The following IRAK4 variants were observed in gnomAD, a reference collection of about 807,000 sequenced individuals.
IRAK4 encodes the protein interleukin 1 receptor associated kinase 4, also known as interleukin-1 receptor-associated kinase 4.
Under a neutral mutation model 51.8 loss-of-function variants are expected in IRAK4, and 44 were observed. That is an observed-to-expected ratio of 0.85 (90% CI 0.67 to 1.09). The LOEUF (loss-of-function observed/expected upper bound fraction) is 1.09, where lower values mean the gene tolerates loss of function less well. Ranked by LOEUF, IRAK4 falls within the 50% of genes least tolerant of loss-of-function variation. The probability of loss-of-function intolerance (pLI) is 0.00; values close to 1 mark genes in which losing one functional copy is unlikely to be tolerated. For missense variants in IRAK4, 487 were observed against 538.0 expected (o/e 0.91, Z 0.94); for synonymous variants, 149 against 174.1 (o/e 0.86, Z 1.13).
At chr12:43,784,098 T>C (rs1387164258) in intron 10 of IRAK4, among the ~76,000 whole-genome samples, 2 of 152,224 alleles carry the variant, frequency 1.3e-5, no homozygotes, top group African/African-American at 2.4e-5. Flanking sequence ...CCATTCAAAT[T>C]TCTTTCAGAA....
chr12:43,763,564 A>ATATG, intron 1 of IRAK4: 1 of 152,304 alleles, frequency 6.6e-6, no homozygotes, highest in Non-Finnish European at 1.5e-5. Flanking sequence ...TATGGTAAAT[A>ATATG]TTGGTAGATA....
chr12:43,771,242 A>G lies in IRAK4; in HGVS notation c.184A>G (p.Thr62Ala). Residue 62 changes from threonine to alanine, a missense_variant, in exon 3 of 12, where the codon ACT becomes GCT. By Grantham distance (58) the Thr-to-Ala change is moderately conservative. Coordinates refer to ENST00000613694, the MANE Select transcript of IRAK4 (RefSeq NM_016123.4). ...AAGGAGATTTGAAGCATTACTTCAA[A>G]CTGGAAAAAGTCCCACTTCTGAATT... ...HIRRFEALLQ[T>A]GKSPTSELLF... 1.2e-6 allele frequency: 2 copies of G among 1,613,926 alleles called. No homozygotes were observed. Among genetic ancestry groups the G allele is most frequent in the Non-Finnish European group, 1.7e-6 (2 of 1,179,850 alleles).
In IRAK4 at chr12:43,785,408, G is replaced by A. The variant is rs888960723; in HGVS notation, c.1189-991G>A. Among the ~76,000 whole-genome samples, 7 of 151,368 alleles carry A rather than the reference G, an allele frequency of 4.6e-5. 1 individual carries two copies. The highest frequency in any genetic ancestry group is 1.7e-4 in the African/African-American group (7 of 41,106). On this transcript the variant is annotated intron_variant, in intron 10 of 11. Transcript: ENST00000613694. The stretch of plus-strand genomic sequence containing the variant: ...TAGTACCCATAGAGAAATTTGTTGG[G>A]TACAGGGAGGAGGAGTCAGGGTCCA...
chr12:43,786,902 C>T lies in IRAK4; in HGVS notation c.*187C>T. On this transcript the variant is annotated 3_prime_UTR_variant, in exon 12 of 12. Transcript: ENST00000613694. Reference sequence around the variant, plus strand: ...AGAGCCACCATATCAACACTTAGCCCTACCCATTAGTATCACCCCCAGTTC... The same window carrying T: ...AGAGCCACCATATCAACACTTAGCCTTACCCATTAGTATCACCCCCAGTTC... The T allele has an allele frequency of 1.6e-6, 1 of 608,210 alleles. No individual in the cohort carries two copies. 37.7% of individuals were successfully genotyped at this position (608,210 alleles called of 1,614,324 possible).
intron 6 of IRAK4, among the ~76,000 whole-genome samples, chr12:43,775,735 A>C (rs1941200033): frequency 6.6e-6 from 1 of 152,134 alleles, no homozygotes; most frequent in African/African-American, 2.4e-5. Flanking sequence ...TCCTAGAAAA[A>C]GAATTACTAG....
chr12:43,779,856 G>T (rs1239511485), intron 8 of IRAK4, among the ~76,000 whole-genome samples: 1 of 152,212 alleles, frequency 6.6e-6, no homozygotes, highest in Non-Finnish European at 1.5e-5. Context: ...CTGGAGGTCT[G>T]AGCTGAAGAT....
At chr12:43,764,917 C>T (rs980587296) in intron 1 of IRAK4, among the ~76,000 whole-genome samples, 2 of 152,172 alleles carry the variant, frequency 1.3e-5, no homozygotes, top group African/African-American at 4.8e-5. Flanking sequence ...AAGCAAAATA[C>T]CTTGAGCATC....
At chr12:43,773,916 AGG>A in intron 5 of IRAK4, 47 bp from the exon 6 acceptor site, 1 of 1,212,876 alleles carries the variant, frequency 8.2e-7, no homozygotes, top group Non-Finnish European at 1.2e-6. Context: ...TCTGAGCATT[AGG>A]AACCTTAGAA....
intron 1 of IRAK4, chr12:43,760,785 C>G (rs1323196761): frequency 1.3e-5 from 2 of 152,216 alleles, no homozygotes; most frequent in African/African-American, 4.8e-5. Flanking sequence ...TTTCATTTCA[C>G]TTGGCACCAT....
rs762213099 is a variant in IRAK4 at position 43,772,296 on chromosome 12, G to C, written c.424G>C (p.Glu142Gln). ...ATTGATGACACCTGTGCAGAATCTT[G>C]AACAAAGCTATATGCCACCTGACTC... Reference protein sequence around the residue: ...RTLMTPVQNLEQSYMPPDSSS... With the variant: ...RTLMTPVQNLQQSYMPPDSSS... Residue 142 changes from glutamate (E) to glutamine (Q), a missense_variant, in exon 4 of 12, where the codon GAA becomes CAA. Physicochemically the swap from Glu to Gln is conservative, Grantham distance 29 (BLOSUM62 2). Coordinates refer to ENST00000613694, the MANE Select transcript of IRAK4 (RefSeq NM_016123.4). The C allele has an allele frequency of 1.1e-5, 17 of 1,613,732 alleles. No homozygotes were observed. The highest frequency in any genetic ancestry group is 1.4e-5 in the Non-Finnish European group (17 of 1,179,970).
chr12:43,782,438 A>T lies in IRAK4; in HGVS notation c.1073A>T (p.Glu358Val), dbSNP rs775402267. 6.2e-7 allele frequency: 1 copy of T among 1,613,946 alleles called. No homozygotes were observed. The highest frequency in any genetic ancestry group is 1.1e-5 in the South Asian group (1 of 91,076). ...IVGTTAYMAPEALRGEITPKS... is the reference protein window; with the variant it reads ...IVGTTAYMAPVALRGEITPKS... ...GGAACAACAGCTTATATGGCACCAG[A>T]AGCTTTGCGTGGAGAAATAACACCC... is the stretch of plus-strand genomic sequence containing the variant. Residue 358 changes from glutamate to valine, a missense_variant, in exon 9 of 12, where the codon GAA becomes GTA. By Grantham distance (121) the Glu-to-Val change is moderately radical. Transcript: ENST00000613694.
In IRAK4 at chr12:43,787,101, AG is replaced by A. The variant is rs1942270381; in HGVS notation, c.*387del. 5.3e-6 allele frequency: 1 copy of A among 189,376 alleles called. No individual in the cohort carries two copies. Among genetic ancestry groups the A allele is most frequent in the Non-Finnish European group, 1.1e-5 (1 of 91,898 alleles). The allele number at this position is 189,376 out of a possible 1,614,324, so 11.7% of individuals were successfully genotyped here. On this transcript the variant is annotated 3_prime_UTR_variant, in exon 12 of 12. Coordinates refer to ENST00000613694, the MANE Select transcript of IRAK4 (RefSeq NM_016123.4). The stretch of plus-strand genomic sequence containing the variant: ...TTTGGACATACACTTAGCTGCTGTG[AG>A]CCACTAATAACATTGGGCTAATATC...
intron 6 of IRAK4, among the ~76,000 whole-genome samples, chr12:43,775,253 A>G (rs769009728): frequency 2.6e-5 from 4 of 152,172 alleles, no homozygotes; most frequent in East Asian, 1.9e-4. Context: ...CTACTCTCCA[A>G]TTCTAAAAGT....
chr12:43,766,496 C>G (rs1334015424), intron 1 of IRAK4, among the ~76,000 whole-genome samples: 1 of 152,096 alleles, frequency 6.6e-6, no homozygotes, highest in African/African-American at 2.4e-5. Flanking sequence ...GTATACTGAA[C>G]AGCTTGGAAA....
intron 3 of IRAK4, among the ~76,000 whole-genome samples, chr12:43,771,925 T>C (rs1437221658): frequency 6.6e-6 from 1 of 152,202 alleles, no homozygotes; most frequent in African/African-American, 2.4e-5. Context: ...AGGTCTATAT[T>C]CTTAAACAGG....
At chr12:43,778,146 T>C (rs1214592310) in intron 7 of IRAK4, 47 bp from the exon 8 acceptor site, 1 of 1,115,352 alleles carries the variant, frequency 9.0e-7, no homozygotes, top group Non-Finnish European at 1.4e-6. Flanking sequence ...CTCTGTAGAT[T>C]TTTTATTATT....
chr12:43,786,516 T>A lies in IRAK4; in HGVS notation c.1306T>A (p.Cys436Ser), dbSNP rs770908857. ...VEAMYSVASQ[C>S]LHEKKNKRPD... ...AGCTATGTACTCTGTTGCTAGTCAA[T>A]GTCTGCATGAAAAGAAAAATAAGAG... Residue 436 changes from cysteine (C) to serine (S), a missense_variant, in exon 11 of 12, where the codon TGT (cysteine) becomes AGT (serine). Cys to Ser is a moderately radical substitution (Grantham distance 112). Coordinates refer to ENST00000613694, the MANE Select transcript of IRAK4 (RefSeq NM_016123.4). 1 of 1,613,562 alleles carries A rather than the reference T, an allele frequency of 6.2e-7. No homozygotes were observed. The highest frequency in any genetic ancestry group is 1.7e-5 in the Admixed American group (1 of 59,968).
At position 43,783,670 on chromosome 12, in the gene IRAK4, A is replaced by G. The variant is rs2138059118; in HGVS notation, c.1134A>G (p.Leu378=). ...SDIYSFGVVL[L]EIITGLPAVD... ...TTTTTTTGTCTTCATAGGTTTTACT[A>G]GAAATAATAACTGGACTTCCAGCTG... The change falls in exon 10 of 12, where the codon CTA becomes CTG. Residue 378 remains leucine (L), a synonymous_variant. Transcript: ENST00000613694. The G allele has an allele frequency of 6.2e-7, 1 of 1,601,370 alleles. No homozygotes were observed. The highest frequency in any genetic ancestry group is 8.6e-7 in the Non-Finnish European group (1 of 1,169,052).
At chr12:43,767,762 CT>C (rs1193854468) in intron 1 of IRAK4, among the ~76,000 whole-genome samples, 1 of 151,768 alleles carries the variant, frequency 6.6e-6, no homozygotes, top group African/African-American at 2.4e-5. Context: ...TATGCTAATT[CT>C]GATAGTTTGT....
Sources: gnomAD v4.1 joint callset for allele counts (sites outside exome capture counted in the v4.1 genomes callset) on GRCh38, gnomAD v4.1.1 for gene constraint, MANE v1.5 for transcripts, NCBI Gene and HGNC (gene_info 2026-07-23, HGNC 2026-07-21) for gene names.